Variants in ABCA4 observed in about 807,000 individuals in gnomAD.
The protein encoded by ABCA4 is retinal-specific phospholipid-transporting ATPase ABCA4.
A neutral mutation model predicts 263.7 loss-of-function variants in ABCA4; 196 were observed. The ratio of observed to expected loss-of-function variants is 0.74; its 90% CI spans 0.66 to 0.84. The LOEUF (loss-of-function observed/expected upper bound fraction) is 0.84. ABCA4 is among the 40% of genes least tolerant of loss of function. The probability of loss-of-function intolerance (pLI) is 0.00; values close to 1 mark genes in which losing one functional copy is unlikely to be tolerated. For missense variants in ABCA4, 2,792 were observed against 2,855.1 expected (o/e 0.98, Z 0.50); for synonymous variants, 1,133 against 1,094.2 (o/e 1.04, Z -0.70).
intron 44 of ABCA4, among the ~76,000 whole-genome samples, chr1:94,004,693 A>G (rs11165061): frequency 0.1 from 15,331 of 152,178 alleles, 1,662 homozygotes; most frequent in African/African-American, 0.27. Flanking sequence ...TTTTTTGAAT[A>G]TGTGGAACAT....
chr1:94,116,798 T>C (rs1014713563), intron 1 of ABCA4, among the ~76,000 whole-genome samples: 14 of 152,156 alleles, frequency 9.2e-5, no homozygotes, highest in Admixed American at 5.9e-4. Flanking sequence ...TCTCAGCAGC[T>C]CAGACTCCCC....
intron 49 of ABCA4, among the ~76,000 whole-genome samples, chr1:93,994,090 T>C (rs1224790104): frequency 1.3e-5 from 2 of 152,188 alleles, no homozygotes; most frequent in African/African-American, 4.8e-5. Context: ...AACACAAAGA[T>C]ACGAGTTATA....
chr1:94,098,544 C>T (rs1019096445), intron 6 of ABCA4, among the ~76,000 whole-genome samples: 6 of 152,140 alleles, frequency 3.9e-5, no homozygotes, highest in African/African-American at 1.4e-4. Flanking sequence ...GGGGATTATC[C>T]CCACATTTAG....
intron 18 of ABCA4, among the ~76,000 whole-genome samples, chr1:94,048,579 A>G (rs1469661708): frequency 2.0e-5 from 3 of 152,240 alleles, no homozygotes; most frequent in Non-Finnish European, 4.4e-5. Flanking sequence ...CTCGGAAGTC[A>G]GCACATTTGT....
intron 4 of ABCA4, among the ~76,000 whole-genome samples, chr1:94,103,873 C>T (rs1662350532): frequency 6.6e-6 from 1 of 152,158 alleles, no homozygotes; most frequent in South Asian, 2.1e-4. Flanking sequence ...AGTCAAGCTC[C>T]CTCCAGCTCC....
intron 39 of ABCA4, 53 bp from the exon 40 acceptor site, chr1:94,010,982 G>A (rs556898483): frequency 2.2e-5 from 36 of 1,613,642 alleles, no homozygotes; most frequent in Non-Finnish European, 3.1e-5. Flanking sequence ...TCACCCCACA[G>A]ACCTGGCCAC....
intron 28 of ABCA4, 152 bp downstream of exon 28, chr1:94,030,844 T>C: frequency 8.2e-7 from 1 of 1,217,498 alleles, no homozygotes; most frequent in Non-Finnish European, 1.2e-6. Flanking sequence ...GGCAGATACA[T>C]TAAGTTCCTT....
At chr1:94,060,498 A>C in intron 14 of ABCA4, 39 bp downstream of exon 14, 1 of 1,586,084 alleles carries the variant, frequency 6.3e-7, no homozygotes, top group Non-Finnish European at 8.6e-7. Flanking sequence ...AAGGAACCAA[A>C]GTATTCAAGA....
rs375759179 is a variant in ABCA4, at chr1:94,040,144, G to A, written c.3523-17C>T. 5.0e-6 allele frequency: 8 copies of A among 1,589,142 alleles called. No homozygotes were observed. The African/African-American group carries it at 1.1e-4, about 21-fold the overall frequency. On this transcript the variant is annotated splice_polypyrimidine_tract_variant and intron_variant, in intron 23 of 49. Transcript: ENST00000370225. The stretch of plus-strand genomic sequence containing the variant: ...GCAGGTCCCCTGCAACAGATGGATG[G>A]GATGACTGACAAGATGCACATCCCT...
rs189251533 is a variant in ABCA4 at position 94,117,665 on chromosome 1, C to T, written c.66+3315G>A. On this transcript the variant is annotated intron_variant, in intron 1 of 49. Coordinates refer to ENST00000370225, the MANE Select transcript of ABCA4 (RefSeq NM_000350.3). ...GGAATGCACGTTATCAGGATGAACT[C>T]CTTGGGAAGTCTTCTCTCACCCTCT... is the stretch of plus-strand genomic sequence containing the variant. 5.3e-5 allele frequency among the ~76,000 whole-genome samples: 8 copies of T among 152,236 alleles called. No individual in the cohort carries two copies. The East Asian group carries it at 1.6e-3, about 30-fold the overall frequency.
chr1:94,098,452 T>G (rs917202093), intron 6 of ABCA4, among the ~76,000 whole-genome samples: 6 of 152,218 alleles, frequency 3.9e-5, no homozygotes, highest in African/African-American at 1.4e-4. Context: ...TATCTTACCA[T>G]GATCACCTGG....
In ABCA4 at chr1:94,041,421, G is replaced by A. The variant is rs373798890; in HGVS notation, c.3329-19C>T. 34 of 1,612,880 alleles carry A rather than the reference G, an allele frequency of 2.1e-5. No individual in the cohort carries two copies. The highest frequency in any genetic ancestry group is 3.3e-5 in the Admixed American group (2 of 59,988). ...GTTCTGCCTGCAAGGTAGGGGCCAG[G>A]GCAATCACCAGGCCTGCCCTGGGTT... is the stretch of plus-strand genomic sequence containing the variant. On this transcript the variant is annotated intron_variant, in intron 22 of 49. Coordinates refer to ENST00000370225, the MANE Select transcript of ABCA4 (RefSeq NM_000350.3).
At chr1:94,106,551 A>G (rs1662439733) in intron 4 of ABCA4, among the ~76,000 whole-genome samples, 1 of 152,210 alleles carries the variant, frequency 6.6e-6, no homozygotes, top group African/African-American at 2.4e-5. Context: ...TAAAATGGTA[A>G]TTGTACTCAT....
In ABCA4 at chr1:94,103,034, G is replaced by C; in HGVS notation, c.551C>G (p.Ser184Cys). 6.2e-7 allele frequency: 1 copy of C among 1,614,228 alleles called. No homozygotes were observed. Among genetic ancestry groups the C allele is most frequent in the South Asian group, 1.1e-5 (1 of 91,090 alleles). The change falls in exon 5 of 50, where the codon TCT becomes TGT. Residue 184 changes from serine (S) to cysteine (C), a missense_variant. Physicochemically the swap from Ser to Cys is moderately radical, Grantham distance 112. Coordinates refer to ENST00000370225, the MANE Select transcript of ABCA4 (RefSeq NM_000350.3). ...SDSVVYLLINSQVRPEQFAHG... is the reference protein window; with the variant it reads ...SDSVVYLLINCQVRPEQFAHG... ...CCCTACCTGCTCTGGACGGACTTGA[G>C]AGTTGATCAGAAGGTAGACCACTGA...
At chr1:94,039,273 G>T (rs1024070952) in intron 24 of ABCA4, among the ~76,000 whole-genome samples, 1 of 152,162 alleles carries the variant, frequency 6.6e-6, no homozygotes, top group Non-Finnish European at 1.5e-5. Flanking sequence ...ATCAGACAAC[G>T]CAAATATTGC....
chr1:94,010,854 A>G lies in ABCA4; in HGVS notation c.5660T>C (p.Val1887Ala). 6.2e-7 allele frequency: 1 copy of G among 1,613,910 alleles called. No individual in the cohort carries two copies. Among genetic ancestry groups the G allele is most frequent in the Non-Finnish European group, 8.5e-7 (1 of 1,179,976 alleles). The change falls in exon 40 of 50, where the codon GTG becomes GCG. Residue 1887 changes from valine (V) to alanine (A), a missense_variant. Coordinates refer to ENST00000370225, the MANE Select transcript of ABCA4 (RefSeq NM_000350.3). Reference protein sequence around the residue: ...KNLFAMVVEGVVYFLLTLLVQ... With the variant: ...KNLFAMVVEGAVYFLLTLLVQ... ...CAGCAGGGTCAGGAGGAAGTACACC[A>G]CCCCTTCCACCACCATGGCAAACAG...
intron 32 of ABCA4, 100 bp downstream of exon 32, chr1:94,023,286 G>C: frequency 4.0e-6 from 4 of 992,202 alleles, no homozygotes; most frequent in Non-Finnish European, 6.3e-6. Flanking sequence ...CTACAGAACA[G>C]CCCCTCCTCA....
chr1:94,046,894 C>T (rs1052870347), intron 19 of ABCA4, 25 bp downstream of exon 19: 15 of 1,612,766 alleles, frequency 9.3e-6, no homozygotes, highest in Non-Finnish European at 1.2e-5. Context: ...AGCATGGCAG[C>T]CAGCTTCTCT....
In ABCA4 at chr1:94,021,232, T is replaced by C. The variant is rs188800817; in HGVS notation, c.5018+8A>G. ...GAAAGTGGTGAGGCTGGGGCTGTGG[T>C]GGCTTACACTGTAATCTCTGAGAGC... On this transcript the variant is annotated splice_region_variant and intron_variant, in intron 35 of 49. Transcript: ENST00000370225. 933 of 1,614,142 alleles carry C rather than the reference T, an allele frequency of 5.8e-4. 3 individuals are homozygous for C. In the African/African-American group the frequency reaches 0.011, roughly 19 times the overall value.
Sources: allele counts gnomAD v4.1 joint callset (sites outside exome capture counted in the v4.1 genomes callset), GRCh38; gene constraint gnomAD v4.1.1; transcripts MANE v1.5; gene names NCBI Gene and HGNC (gene_info 2026-07-23, HGNC 2026-07-21).